The following CTNNA2 variants were observed in gnomAD, a reference collection of about 807,000 sequenced individuals.
The protein encoded by CTNNA2 is catenin alpha-2.
In CTNNA2, 42 loss-of-function variants were observed where a neutral mutation model predicts 101.0. The observed-to-expected ratio is 0.42, with a 90% CI of 0.32 to 0.54. The LOEUF is 0.54. CTNNA2 is among the 20% of genes least tolerant of loss of function. The probability of loss-of-function intolerance (pLI) is 0.14; values close to 1 mark genes in which losing one functional copy is unlikely to be tolerated. For missense variants in CTNNA2, 871 were observed against 1,223.1 expected (o/e 0.71, Z 4.29); for synonymous variants, 450 against 456.4 (o/e 0.99, Z 0.18).
intron 7 of CTNNA2, among the ~76,000 whole-genome samples, chr2:79,978,701 C>G (rs938952432): frequency 1.3e-5 from 2 of 152,304 alleles, no homozygotes; most frequent in Non-Finnish European, 2.9e-5. Context: ...GAGCCACCAA[C>G]TACTGATGAG....
chr2:80,027,428 CAGAA>C (rs1194520450), intron 7 of CTNNA2, among the ~76,000 whole-genome samples: 11 of 152,342 alleles, frequency 7.2e-5, no homozygotes, highest in African/African-American at 2.6e-4. Flanking sequence ...ACGAAAATGT[CAGAA>C]AGCTTTCAAC....
At chr2:79,984,122 G>C (rs919434689) in intron 7 of CTNNA2, among the ~76,000 whole-genome samples, 6 of 152,128 alleles carry the variant, frequency 3.9e-5, no homozygotes, top group Non-Finnish European at 1.5e-5. Context: ...TTTAGAATTG[G>C]CATGTTCAAT....
chr2:79,545,346 C>T (rs1673665525), intron 1 of CTNNA2, among the ~76,000 whole-genome samples: 1 of 152,130 alleles, frequency 6.6e-6, no homozygotes, highest in Admixed American at 6.5e-5. Flanking sequence ...AGTAAGAGGA[C>T]CTAGGTTACA....
chr2:79,498,424 G>A (rs1671281688), intron 4 of CTNNA2, among the ~76,000 whole-genome samples: 1 of 152,106 alleles, frequency 6.6e-6, no homozygotes, highest in Non-Finnish European at 1.5e-5. Flanking sequence ...AAAGTTAGTA[G>A]GCTTTGATCT....
At chr2:80,001,360 A>G (rs1242251008) in intron 7 of CTNNA2, among the ~76,000 whole-genome samples, 1 of 152,086 alleles carries the variant, frequency 6.6e-6, no homozygotes, top group Non-Finnish European at 1.5e-5. Flanking sequence ...TTATCATTCT[A>G]TTATTTTCTT....
intron 7 of CTNNA2, among the ~76,000 whole-genome samples, chr2:80,096,665 A>T (rs1165297807): frequency 6.6e-6 from 1 of 152,118 alleles, no homozygotes; most frequent in Non-Finnish European, 1.5e-5. Flanking sequence ...GTCACTAAGG[A>T]CTTGCTTTAT....
At chr2:79,454,960 T>C (rs1286313123) in intron 4 of CTNNA2, among the ~76,000 whole-genome samples, 2 of 152,218 alleles carry the variant, frequency 1.3e-5, no homozygotes, top group East Asian at 3.8e-4. Flanking sequence ...GGGCAAAGAC[T>C]GTGTTATGTC....
At chr2:80,211,685 G>A (rs559043528) in intron 7 of CTNNA2, among the ~76,000 whole-genome samples, 1 of 152,310 alleles carries the variant, frequency 6.6e-6, no homozygotes, top group African/African-American at 2.4e-5. Flanking sequence ...GCTGAGGATT[G>A]TCTTGGCAAT....
intron 1 of CTNNA2, among the ~76,000 whole-genome samples, chr2:79,635,735 C>T (rs1406390793): frequency 6.6e-6 from 1 of 151,290 alleles, no homozygotes; most frequent in East Asian, 2.1e-4. Context: ...AACTACTGAC[C>T]TCAGGTGATC....
At chr2:79,983,520 A>G (rs778653550) in intron 7 of CTNNA2, among the ~76,000 whole-genome samples, 4 of 152,170 alleles carry the variant, frequency 2.6e-5, no homozygotes, top group Non-Finnish European at 2.9e-5. Context: ...GGATGTAGAC[A>G]TTTAAAACTC....
chr2:80,508,978 A>T (rs1369323335), intron 9 of CTNNA2, among the ~76,000 whole-genome samples: 3 of 151,950 alleles, frequency 2.0e-5, no homozygotes, highest in African/African-American at 4.8e-5. Context: ...TATTTTTTCC[A>T]TATCATTGCA....
chr2:79,810,526 CTTT>C (rs58252886), intron 3 of CTNNA2, among the ~76,000 whole-genome samples: 38 of 143,266 alleles, frequency 2.7e-4, no homozygotes, highest in East Asian at 2.0e-4. Context: ...CTTTTCTTTT[CTTT>C]TTTTTTTTTT....
At chr2:79,270,214 A>G (rs59983447) in intron 2 of CTNNA2, among the ~76,000 whole-genome samples, 2,952 of 152,208 alleles carry the variant, frequency 0.019, 89 homozygotes, top group African/African-American at 0.067. Flanking sequence ...GATGTGAACT[A>G]TATCTCAAGG....
intron 2 of CTNNA2, among the ~76,000 whole-genome samples, chr2:79,735,863 GAGAC>G (rs1368046147): frequency 6.6e-6 from 1 of 152,128 alleles, no homozygotes; most frequent in Admixed American, 6.6e-5. Context: ...CAAAGACAAA[GAGAC>G]AGACTAATTC....
chr2:79,879,913 G>A (rs779400314), intron 6 of CTNNA2, among the ~76,000 whole-genome samples: 1 of 152,128 alleles, frequency 6.6e-6, no homozygotes, highest in Non-Finnish European at 1.5e-5. Context: ...CAAAGGGAAT[G>A]CTTCTTGCTT....
rs113011771 is a variant in CTNNA2, at chr2:79,965,593, G to T, written c.1056+55796G>T. Among the ~76,000 whole-genome samples the T allele has an allele frequency of 5.8e-3, 879 of 152,146 alleles. 5 individuals are homozygous for T. The highest frequency in any genetic ancestry group is 0.017 in the Middle Eastern group (5 of 294). ...AATCCCAGCACTTTTGGAGGCCAAGGGGGGCGGATCACTTGAGGTCAGGAG... is the reference window on the plus strand; with the variant it reads ...AATCCCAGCACTTTTGGAGGCCAAGTGGGGCGGATCACTTGAGGTCAGGAG... On this transcript the variant is annotated intron_variant, in intron 7 of 18. Coordinates refer to ENST00000402739, the MANE Select transcript of CTNNA2 (RefSeq NM_001282597.3).
chr2:79,864,655 T>C (rs972189964), intron 4 of CTNNA2, among the ~76,000 whole-genome samples: 1 of 152,172 alleles, frequency 6.6e-6, no homozygotes, highest in Non-Finnish European at 1.5e-5. Flanking sequence ...AGGTAGATTT[T>C]ACAGATACTC....
chr2:80,365,758 G>A (rs1220380514), intron 7 of CTNNA2, among the ~76,000 whole-genome samples: 2 of 152,092 alleles, frequency 1.3e-5, no homozygotes, highest in Non-Finnish European at 2.9e-5. Context: ...GGAAATAATG[G>A]TTTAATTAGT....
intron 7 of CTNNA2, among the ~76,000 whole-genome samples, chr2:80,252,196 T>C (rs1310175369): frequency 6.6e-6 from 1 of 152,182 alleles, no homozygotes; most frequent in Non-Finnish European, 1.5e-5. Context: ...TGAAGTCTTA[T>C]TTATTTATTT....
Sources: allele counts gnomAD v4.1 joint callset (sites outside exome capture counted in the v4.1 genomes callset), GRCh38; gene constraint gnomAD v4.1.1; transcripts MANE v1.5; gene names NCBI Gene and HGNC (gene_info 2026-07-23, HGNC 2026-07-21).